PRKN: variants seen among roughly 807,000 people sequenced by gnomAD.
PRKN encodes the protein parkin RBR E3 ubiquitin protein ligase.
PRKN carries 56 observed loss-of-function variants against 59.5 expected under a neutral mutation model. The ratio of observed to expected loss-of-function variants is 0.94; its 90% CI spans 0.76 to 1.18. The LOEUF is 1.18. PRKN is among the 50% of genes most tolerant of loss of function. The pLI is 0.00. For synonymous variants in PRKN, 250 were observed against 222.1 expected (o/e 1.13, Z -1.12); for missense variants, 657 against 596.4 (o/e 1.10, Z -1.06).
intron 3 of PRKN, among the ~76,000 whole-genome samples, chr6:162,246,568 A>G (rs111878811): frequency 0.012 from 1,806 of 152,308 alleles, 41 homozygotes; most frequent in African/African-American, 0.04. Context: ...TTGCTCAGAA[A>G]TCCAATCACA....
intron 4 of PRKN, among the ~76,000 whole-genome samples, chr6:162,192,471 T>TTA (rs1784323486): frequency 7.3e-6 from 1 of 137,424 alleles, no homozygotes; most frequent in South Asian, 2.4e-4. Context: ...TTTTTTTTTT[T>TTA]AGATAAGGTC....
chr6:162,548,611 T>A (rs923614530), intron 1 of PRKN, among the ~76,000 whole-genome samples: 2 of 152,198 alleles, frequency 1.3e-5, no homozygotes, highest in African/African-American at 4.8e-5. Context: ...CAAAGAGACA[T>A]TAATACAATT....
In PRKN at chr6:161,352,769, A is replaced by ATATATT. The variant is rs1398780449; in HGVS notation, c.1286-2559_1286-2558insAATATA. Among the ~76,000 whole-genome samples, 4 of 119,448 alleles carry ATATATT rather than the reference A, an allele frequency of 3.3e-5. No homozygotes were observed. Among genetic ancestry groups the ATATATT allele is most frequent in the African/African-American group, 1.2e-4 (4 of 34,328 alleles). The allele number at this position is 119,448 out of a possible 152,430, so 78.4% of individuals were successfully genotyped here. A position where few individuals can be genotyped will look rare whatever the true frequency, so the allele number is the denominator to read the frequency against. On this transcript the variant is annotated intron_variant, in intron 11 of 11. Transcript: ENST00000366898. The surrounding 1 kb of genome is among the most constrained non-coding windows in gnomAD (Gnocchi z 5.8). ...TGTGTGTGTGTGTATATATATATAT[A>ATATATT]TATTTTATTTTATTTTATTTTATTT...
At position 162,219,322 on chromosome 6, in the gene PRKN, T is replaced by A. The variant is rs139577557; in HGVS notation, c.413-18070A>T. On this transcript the variant is annotated intron_variant, in intron 3 of 11. Transcript: ENST00000366898. ...AAACACTTCTTTATCTAATACTGCA[T>A]AGGTGACTCCCTGTCTAGAAAAATT... Among the ~76,000 whole-genome samples, 157 of 152,310 alleles carry A rather than the reference T, an allele frequency of 1.0e-3. 5 individuals are homozygous for A. The East Asian group carries it at 0.026, about 25-fold the overall frequency.
intron 5 of PRKN, among the ~76,000 whole-genome samples, chr6:162,002,599 T>C (rs1053816688): frequency 2.6e-5 from 4 of 151,828 alleles, no homozygotes; most frequent in South Asian, 2.1e-4. Flanking sequence ...TTTTGCTTCA[T>C]TCATTTTTCT....
chr6:161,398,235 G>C (rs1786858144), intron 9 of PRKN, among the ~76,000 whole-genome samples: 1 of 152,124 alleles, frequency 6.6e-6, no homozygotes, highest in Non-Finnish European at 1.5e-5. Flanking sequence ...GGGGAGAGGA[G>C]AGTCACAGAT....
Position 161,713,775 on chromosome 6 carries a change from A to G in PRKN, c.871+71997T>C, listed in dbSNP as rs144088670. On this transcript the variant is annotated intron_variant, in intron 7 of 11. Transcript: ENST00000366898. ...TTGACTCTGTCCCCACCCAAATCTC[A>G]TCTTGAATTGTAGCTCCATAATCCC... Among the ~76,000 whole-genome samples, 435 of 152,130 alleles carry G rather than the reference A, an allele frequency of 2.9e-3. 4 individuals carry two copies. The highest frequency in any genetic ancestry group is 9.9e-3 in the African/African-American group (412 of 41,518).
chr6:162,169,196 C>T (rs1783139796), intron 4 of PRKN, among the ~76,000 whole-genome samples: 1 of 152,092 alleles, frequency 6.6e-6, no homozygotes, highest in African/African-American at 2.4e-5. Context: ...TGGTTTTGGA[C>T]TAGAAAGAAC....
At chr6:162,059,190 A>G (rs917996290) in intron 4 of PRKN, among the ~76,000 whole-genome samples, 2 of 152,222 alleles carry the variant, frequency 1.3e-5, no homozygotes, top group African/African-American at 4.8e-5. Flanking sequence ...GTACTATGTT[A>G]TCTGACAAAT....
intron 4 of PRKN, among the ~76,000 whole-genome samples, chr6:162,152,076 C>T (rs1035028353): frequency 6.6e-6 from 1 of 152,164 alleles, no homozygotes; most frequent in African/African-American, 2.4e-5. Flanking sequence ...TCACTTTTTA[C>T]TAAGACATAA....
intron 1 of PRKN, among the ~76,000 whole-genome samples, chr6:162,716,709 TTA>T (rs1198537617): frequency 9.5e-6 from 1 of 105,312 alleles, no homozygotes; most frequent in African/African-American, 3.7e-5. Context: ...GAAAAGTGAG[TTA>T]TGTCCTTGGC....
chr6:161,777,855 TGTATATATGTATATGTATAC>T lies in PRKN; in HGVS notation c.871+7897_871+7916del, dbSNP rs1187727758. On this transcript the variant is annotated intron_variant, in intron 7 of 11. Transcript: ENST00000366898. Reference sequence around the variant, plus strand: ...ATGTATACGTATATATGTATATATGTGTATATATGTATATGTATACGTATATATGTATATATATGTATACA... The same window carrying T: ...ATGTATACGTATATATGTATATATGTGTATATATGTATATATATGTATACA... Among the ~76,000 whole-genome samples the T allele has an allele frequency of 2.1e-5, 3 of 143,478 alleles. No homozygotes were observed. The East Asian group carries it at 5.9e-4, about 28-fold the overall frequency. 94.1% of individuals were successfully genotyped at this position (143,478 alleles called of 152,430 possible).
chr6:162,334,054 C>T (rs757112942), intron 2 of PRKN, among the ~76,000 whole-genome samples: 3 of 152,112 alleles, frequency 2.0e-5, no homozygotes, highest in Non-Finnish European at 2.9e-5. Flanking sequence ...TTCAATTCTA[C>T]GAAGGCTGAG....
chr6:162,071,498 AG>A (rs1026282004), intron 4 of PRKN, among the ~76,000 whole-genome samples: 13 of 46,620 alleles, frequency 2.8e-4, no homozygotes, highest in Middle Eastern at 0.01. Context: ...GTTCTCCAAA[AG>A]TTCCAATAGG....
rs1777377494 is a variant in PRKN, at chr6:161,487,684, G to T, written c.1083+61170C>A. ...AATATGTGTATTCATGTAGGAGGTA[G>T]GGGTTGTGCCTTCTTTTCCATTCAT... On this transcript the variant is annotated intron_variant, in intron 9 of 11. Transcript: ENST00000366898. The surrounding 1 kb of genome is among the most constrained non-coding windows in gnomAD (Gnocchi z 5.3). 6.6e-6 allele frequency among the ~76,000 whole-genome samples: 1 copy of T among 152,174 alleles called. No homozygotes were observed. Among genetic ancestry groups the T allele is most frequent in the Admixed American group, 6.5e-5 (1 of 15,278 alleles).
rs539869394 is a variant in PRKN at position 161,448,961 on chromosome 6, C to G, written c.1084-62084G>C. 6.6e-6 allele frequency among the ~76,000 whole-genome samples: 1 copy of G among 152,286 alleles called. No homozygotes were observed. The highest frequency in any genetic ancestry group is 2.4e-5 in the African/African-American group (1 of 41,556). ...AGGTCACATTAAAAAGGTGGTGCAT[C>G]TGAGATGGTGACTGCTCAGAATAAA... On this transcript the variant is annotated intron_variant, in intron 9 of 11. Transcript: ENST00000366898. This position sits in a 1 kb window ranked among gnomAD's most constrained non-coding sequence, Gnocchi z 5.1.
chr6:161,715,111 T>C (rs1786918762), intron 7 of PRKN, among the ~76,000 whole-genome samples: 2 of 152,194 alleles, frequency 1.3e-5, no homozygotes, highest in South Asian at 4.1e-4. Flanking sequence ...CAGTCCACAT[T>C]GCTGGGTTTT....
In PRKN at chr6:161,502,008, G is replaced by A. The variant is rs925006307; in HGVS notation, c.1083+46846C>T. Among the ~76,000 whole-genome samples the A allele has an allele frequency of 6.6e-6, 1 of 152,174 alleles. No individual in the cohort carries two copies. Among genetic ancestry groups the A allele is most frequent in the African/African-American group, 2.4e-5 (1 of 41,434 alleles). ...GTGAGTGACATGAGAGAGAAAGTCT[G>A]CATGTCTTAGTTATCAGCCATGTGA... On this transcript the variant is annotated intron_variant, in intron 9 of 11. Transcript: ENST00000366898. The surrounding 1 kb of genome is among the most constrained non-coding windows in gnomAD (Gnocchi z 4.0).
At chr6:162,584,023 C>T (rs963773165) in intron 1 of PRKN, among the ~76,000 whole-genome samples, 1 of 151,992 alleles carries the variant, frequency 6.6e-6, no homozygotes, top group African/African-American at 2.4e-5. Context: ...ACCATCCTGG[C>T]TAACACGGTG....
Sources: gnomAD v4.1 joint callset for allele counts (sites outside exome capture counted in the v4.1 genomes callset) on GRCh38, gnomAD v4.1.1 for gene constraint, Gnocchi (gnomAD v3.1) non-coding constraint, MANE v1.5 for transcripts, NCBI Gene and HGNC (gene_info 2026-07-23, HGNC 2026-07-21) for gene names.